PAH: variants seen among roughly 807,000 people sequenced by gnomAD.
PAH encodes the protein phenylalanine hydroxylase, also known as phenylalanine-4-hydroxylase.
A neutral mutation model predicts 62.0 loss-of-function variants in PAH; 64 were observed. That is an observed-to-expected ratio of 1.03 (90% CI 0.84 to 1.27). The LOEUF is 1.27. Among genes scored for constraint, PAH ranks in the 50% most tolerant of loss-of-function variants. PAH has a pLI of 0.00. For synonymous variants in PAH, 195 were observed against 196.2 expected (o/e 0.99, Z 0.05); for missense variants, 579 against 542.8 (o/e 1.07, Z -0.66).
At chr12:102,942,010 A>T (rs976921894) in intron 1 of PAH, among the ~76,000 whole-genome samples, 5 of 152,160 alleles carry the variant, frequency 3.3e-5, no homozygotes, top group Non-Finnish European at 7.4e-5. Context: ...GAGAACTGGA[A>T]CAAGACAAGG....
chr12:102,880,246 C>A (rs1876760843), intron 3 of PAH, among the ~76,000 whole-genome samples: 1 of 152,210 alleles, frequency 6.6e-6, no homozygotes, highest in African/African-American at 2.4e-5. Context: ...TTGCGTTGTA[C>A]ACTGAACCTC....
chr12:102,876,945 C>G (rs1876590666), intron 4 of PAH, among the ~76,000 whole-genome samples: 2 of 152,162 alleles, frequency 1.3e-5, no homozygotes, highest in Non-Finnish European at 2.9e-5. Context: ...CAGTCATTCC[C>G]ACAGTATTGT....
intron 1 of PAH, chr12:102,913,693 AAT>A (rs2136729302): frequency 1.5e-6 from 1 of 656,734 alleles, no homozygotes; most frequent in Non-Finnish European, 2.8e-6. Context: ...TGAGACATCC[AAT>A]TGTTGAAAAA....
intron 3 of PAH, among the ~76,000 whole-genome samples, chr12:102,881,164 C>T (rs1320942460): frequency 1.3e-5 from 2 of 151,068 alleles, no homozygotes; most frequent in Admixed American, 6.6e-5. Context: ...CAGGTGCGTG[C>T]CACCACACTC....
chr12:102,862,770 A>C (rs1022374835), intron 5 of PAH, among the ~76,000 whole-genome samples: 3 of 152,176 alleles, frequency 2.0e-5, no homozygotes, highest in African/African-American at 4.8e-5. Flanking sequence ...ATTAGGCTCC[A>C]GATTAGGTCT....
chr12:102,950,335 A>G (rs1028127513), intron 1 of PAH: 1 of 152,344 alleles, frequency 6.6e-6, no homozygotes, highest in Non-Finnish European at 1.5e-5. Flanking sequence ...CCTGGGGCGC[A>G]CAGTTTCCCT....
chr12:102,895,869 A>AATATATATATATATATATATAT (rs1555208128), intron 2 of PAH, among the ~76,000 whole-genome samples: 5 of 118,740 alleles, frequency 4.2e-5, no homozygotes, highest in African/African-American at 1.8e-4. Context: ...AAAAAAAAAA[A>AATATATATATATATATATATAT]ATATATATAT....
At chr12:102,921,783 G>T (rs975702852), upstream of PAH, among the ~76,000 whole-genome samples, 3 of 152,212 alleles carry the variant, frequency 2.0e-5, no homozygotes, top group Non-Finnish European at 4.4e-5. Context: ...ACAATCAATT[G>T]TCTTTTGGGA....
chr12:102,921,419 G>T (rs865940309), upstream of PAH, among the ~76,000 whole-genome samples: 3 of 152,094 alleles, frequency 2.0e-5, no homozygotes, highest in African/African-American at 7.2e-5. Flanking sequence ...CCAAATATTA[G>T]CTCTGTGCCC....
chr12:102,889,098 A>G (rs1877159072), intron 3 of PAH, among the ~76,000 whole-genome samples: 2 of 152,108 alleles, frequency 1.3e-5, no homozygotes, highest in Non-Finnish European at 2.9e-5. Context: ...TCTCTCTAAA[A>G]ATTCTTAACT....
chr12:102,879,198 C>T (rs1410614909), intron 3 of PAH, among the ~76,000 whole-genome samples: 3 of 152,094 alleles, frequency 2.0e-5, no homozygotes. Flanking sequence ...AGCCTTCCTA[C>T]GTGCCAGGCA....
At chr12:102,902,693 C>G (rs1337352239) in intron 2 of PAH, among the ~76,000 whole-genome samples, 1 of 152,198 alleles carries the variant, frequency 6.6e-6, no homozygotes, top group African/African-American at 2.4e-5. Flanking sequence ...CAATTAAATT[C>G]TACAGGGAGC....
chr12:102,939,709 C>T (rs1879224203), intron 1 of PAH, among the ~76,000 whole-genome samples: 1 of 152,194 alleles, frequency 6.6e-6, no homozygotes, highest in Admixed American at 6.5e-5. Flanking sequence ...GCCACCCCAC[C>T]CGTAGGTGAT....
chr12:102,955,803 C>T (rs1593010560), upstream of PAH, among the ~76,000 whole-genome samples: 1 of 152,082 alleles, frequency 6.6e-6, no homozygotes, highest in South Asian at 2.1e-4. Flanking sequence ...GTGAATCCCA[C>T]GGGGTTCAGC....
At chr12:102,914,631 CCTT>C (rs1285301893) in intron 1 of PAH, 1 of 152,202 alleles carries the variant, frequency 6.6e-6, no homozygotes, top group Non-Finnish European at 1.5e-5. Context: ...GAATACTGAG[CCTT>C]CTTCTTTCCA....
chr12:102,843,073 T>G (rs1203286422), intron 11 of PAH, among the ~76,000 whole-genome samples: 1 of 152,160 alleles, frequency 6.6e-6, no homozygotes, highest in Non-Finnish European at 1.5e-5. Context: ...AATTATTTAT[T>G]GAGTGCTTAC....
At chr12:102,934,309 C>T (rs1007623178) in intron 1 of PAH, among the ~76,000 whole-genome samples, 2 of 151,934 alleles carry the variant, frequency 1.3e-5, no homozygotes, top group Admixed American at 6.6e-5. Flanking sequence ...CCAGTACTAT[C>T]CTGTTTTGGT....
intron 2 of PAH, among the ~76,000 whole-genome samples, chr12:102,910,571 C>A (rs1878167410): frequency 6.6e-6 from 1 of 152,088 alleles, no homozygotes; most frequent in South Asian, 2.1e-4. Flanking sequence ...GGGGTTTCAC[C>A]ATGTTAGCCA....
intron 1 of PAH, chr12:102,916,745 C>T: frequency 2.5e-6 from 1 of 397,050 alleles, no homozygotes; most frequent in South Asian, 2.2e-5. Flanking sequence ...CTTCAGTGTA[C>T]AGAAGAGTAA....
Sources: gnomAD v4.1 joint callset for allele counts (sites outside exome capture counted in the v4.1 genomes callset) on GRCh38, gnomAD v4.1.1 for gene constraint, MANE v1.5 for transcripts, NCBI Gene and HGNC (gene_info 2026-07-23, HGNC 2026-07-21) for gene names.